The following KLF1 variants were observed in gnomAD, a reference collection of about 807,000 sequenced individuals.
KLF1 encodes Krueppel-like factor 1.
In KLF1, 29 loss-of-function variants were observed where a neutral mutation model predicts 28.0. The observed-to-expected ratio is 1.04, with a 90% CI of 0.77 to 1.41. KLF1 has a LOEUF of 1.41. Among genes scored for constraint, KLF1 ranks in the 40% most tolerant of loss-of-function variants. KLF1 has a pLI of 0.00. For missense variants in KLF1, 508 were observed against 515.1 expected, an observed-to-expected ratio of 0.99 and a Z score of 0.13; for synonymous variants, 262 against 242.6, an observed-to-expected ratio of 1.08 and a Z score of -0.74.
chr19:12,887,168 A>G lies in KLF1; in HGVS notation c.-28T>C. ...CTGGCTGGTGCCCACCCTGGGCCTC[A>G]AGCCTCCTCTTCCTCGGCTGCCTCG... On this transcript the variant is annotated 5_prime_UTR_variant, in exon 1 of 3. Coordinates refer to ENST00000264834, the MANE Select transcript of KLF1 (RefSeq NM_006563.5). This position sits in a 1 kb window ranked among gnomAD's most constrained non-coding sequence, Gnocchi z 4.7. The G allele has an allele frequency of 6.2e-7, 1 of 1,612,400 alleles. No homozygotes were observed. The highest frequency in any genetic ancestry group is 8.5e-7 in the Non-Finnish European group (1 of 1,178,834).
In KLF1 at chr19:12,885,541, G is replaced by A; in HGVS notation, c.689C>T (p.Ala230Val). Reference sequence around the variant, plus strand: ...ACAACTCAGGAAGGAGGGGGACGTGGCGGGACCGGGCGCGGGTCCCTGGAG... The same window carrying A: ...ACAACTCAGGAAGGAGGGGGACGTGACGGGACCGGGCGCGGGTCCCTGGAG... ...RGLQGPAPGP[A>V]TSPSFLSCLG... The change falls in exon 2 of 3, where the codon GCC becomes GTC. Residue 230 changes from alanine (A) to valine (V), a missense_variant. By Grantham distance (64) the Ala-to-Val change is moderately conservative. Coordinates refer to ENST00000264834, the MANE Select transcript of KLF1 (RefSeq NM_006563.5). The surrounding 1 kb of genome is among the most constrained non-coding windows in gnomAD (Gnocchi z 5.6). 2 of 1,574,240 alleles carry A rather than the reference G, an allele frequency of 1.3e-6. No individual in the cohort carries two copies. Among genetic ancestry groups the A allele is most frequent in the Non-Finnish European group, 8.6e-7 (1 of 1,160,790 alleles).
In KLF1 at chr19:12,884,840, G is replaced by T. The variant is rs1482224803; in HGVS notation, c.*45C>A. On this transcript the variant is annotated 3_prime_UTR_variant, in exon 3 of 3. Transcript: ENST00000264834. ...GAAGAGACCACCAAACAGGCTTCTT[G>T]TCCCATCCCCAGTCACTAGGAGAGT... The T allele has an allele frequency of 1.2e-6, 2 of 1,604,996 alleles. No homozygotes were observed. Among genetic ancestry groups the T allele is most frequent in the African/African-American group, 2.7e-5 (2 of 74,790 alleles).
rs1432976016 is a variant in KLF1 at position 12,887,105 on chromosome 19, G to A, written c.36C>T (p.Ser12=). The part of the protein sequence containing the change: ...ATAETALPSI[S]TLTALGPFPD... ...GGAAGGGGCCCAGGGCGGTCAGTGT[G>A]CTGATGGAGGGCAAGGCGGTCTCGG... Residue 12 remains serine (S), a synonymous_variant, in exon 1 of 3, where the codon AGC becomes AGT. Coordinates refer to ENST00000264834, the MANE Select transcript of KLF1 (RefSeq NM_006563.5). This position sits in a 1 kb window ranked among gnomAD's most constrained non-coding sequence, Gnocchi z 4.7. The A allele has an allele frequency of 1.2e-6, 2 of 1,614,130 alleles. No homozygotes were observed. The highest frequency in any genetic ancestry group is 1.7e-5 in the Admixed American group (1 of 60,034).
chr19:12,884,775 G>C lies in KLF1; in HGVS notation c.*110C>G. The stretch of plus-strand genomic sequence containing the variant: ...CGCGAGTCCAGGAGAGGGTCCATTC[G>C]TGGGAAAACCACCCAGCATTGTGTC... On this transcript the variant is annotated 3_prime_UTR_variant, in exon 3 of 3. Coordinates refer to ENST00000264834, the MANE Select transcript of KLF1 (RefSeq NM_006563.5). 8.1e-7 allele frequency: 1 copy of C among 1,230,356 alleles called. No individual in the cohort carries two copies. The highest frequency in any genetic ancestry group is 1.2e-5 in the South Asian group (1 of 81,492). The allele number at this position is 1,230,356 out of a possible 1,614,324, so 76.2% of individuals were successfully genotyped here. A position where few individuals can be genotyped will look rare whatever the true frequency, so the allele number is the denominator to read the frequency against.
Position 12,885,402 on chromosome 19 carries a change from C to G in KLF1, c.828G>C (p.Gln276His). ...CCGGGTGCGCGCACGTGTGCGCTGCCTGCCTCTTGCGCGCCCACGAACGTC... is the reference window on the plus strand; with the variant it reads ...CCGGGTGCGCGCACGTGTGCGCTGCGTGCCTCTTGCGCGCCCACGAACGTC... ...RGRRSWARKR[Q>H]AAHTCAHPGC... is the part of the protein sequence containing the mutation. The change falls in exon 2 of 3, where the codon CAG becomes CAC. Residue 276 changes from glutamine to histidine, a missense_variant. Physicochemically the swap from Gln to His is conservative, Grantham distance 24. Coordinates refer to ENST00000264834, the MANE Select transcript of KLF1 (RefSeq NM_006563.5). The surrounding 1 kb of genome is among the most constrained non-coding windows in gnomAD (Gnocchi z 5.6). The G allele has an allele frequency of 6.2e-7, 1 of 1,606,336 alleles. No individual in the cohort carries two copies. The highest frequency in any genetic ancestry group is 8.5e-7 in the Non-Finnish European group (1 of 1,176,940).
rs1403428844 is a variant in KLF1 at position 12,884,834 on chromosome 19, C to T, written c.*51G>A. 2 of 1,600,480 alleles carry T rather than the reference C, an allele frequency of 1.2e-6. No homozygotes were observed. Among genetic ancestry groups the T allele is most frequent in the Admixed American group, 1.7e-5 (1 of 60,014 alleles). ...CCGTGTGAAGAGACCACCAAACAGGCTTCTTGTCCCATCCCCAGTCACTAG... is the reference window on the plus strand; with the variant it reads ...CCGTGTGAAGAGACCACCAAACAGGTTTCTTGTCCCATCCCCAGTCACTAG... On this transcript the variant is annotated 3_prime_UTR_variant, in exon 3 of 3. Coordinates refer to ENST00000264834, the MANE Select transcript of KLF1 (RefSeq NM_006563.5).
At position 12,885,890 on chromosome 19, in the gene KLF1, C is replaced by CAG. The variant is rs1970439593; in HGVS notation, c.339_340insCT (p.Gly114LeufsTer124). 3 of 1,552,024 alleles carry CAG rather than the reference C, an allele frequency of 1.9e-6. No individual in the cohort carries two copies. In the African/African-American group the frequency reaches 4.1e-5, roughly 21 times the overall value. Reference sequence around the variant, plus strand: ...AGCCCCGGGCCGCCAGCATATGCGCCCAGAGTCTCGGGCGGCGGCGGATAT... The same window carrying CAG: ...AGCCCCGGGCCGCCAGCATATGCGCCAGCAGAGTCTCGGGCGGCGGCGGATAT... On this transcript the variant is annotated frameshift_variant, in exon 2 of 3. Transcript: ENST00000264834. LOFTEE classifies it high-confidence loss of function. The surrounding 1 kb of genome is among the most constrained non-coding windows in gnomAD (Gnocchi z 5.6).
At position 12,885,029 on chromosome 19, in the gene KLF1, G is replaced by C; in HGVS notation, c.945C>G (p.Gly315=). The part of the protein sequence containing the change: ...GEKPYACTWE[G]CGWRFARSDE... ...CCGAGCGCGCGAATCTCCAGCCGCA[G>C]CCTTCCCACGTGCAGGCGTATGGCT... is the stretch of plus-strand genomic sequence containing the variant. The change falls in exon 3 of 3, where the codon GGC becomes GGG. Residue 315 remains glycine (G), a synonymous_variant. Transcript: ENST00000264834. The surrounding 1 kb of genome is among the most constrained non-coding windows in gnomAD (Gnocchi z 5.6). 6.2e-7 allele frequency: 1 copy of C among 1,608,256 alleles called. No homozygotes were observed. Among genetic ancestry groups the C allele is most frequent in the Non-Finnish European group, 8.5e-7 (1 of 1,179,996 alleles).
At position 12,885,184 on chromosome 19, in the gene KLF1, G is replaced by A. The variant is rs1970422644; in HGVS notation, c.914-124C>T. On this transcript the variant is annotated intron_variant, in intron 2 of 2. Coordinates refer to ENST00000264834, the MANE Select transcript of KLF1 (RefSeq NM_006563.5). This position sits in a 1 kb window ranked among gnomAD's most constrained non-coding sequence, Gnocchi z 5.6. ...TAGGATGAACAAAGTGAGGCCCCTA[G>A]GGCACAAAATTTAAGGAGGCACTCA... 1.4e-6 allele frequency: 2 copies of A among 1,383,694 alleles called. No individual in the cohort carries two copies. The highest frequency in any genetic ancestry group is 1.2e-5 in the South Asian group (1 of 81,016). The allele number at this position is 1,383,694 out of a possible 1,614,324, so 85.7% of individuals were successfully genotyped here. A position where few individuals can be genotyped will look rare whatever the true frequency, so the allele number is the denominator to read the frequency against.
In KLF1 at chr19:12,885,552, C is replaced by T. The variant is rs760708625; in HGVS notation, c.678G>A (p.Ala226=). The part of the protein sequence containing the change: ...FQLFRGLQGP[A]PGPATSPSFL... Reference sequence around the variant, plus strand: ...AGGAGGGGGACGTGGCGGGACCGGGCGCGGGTCCCTGGAGCCCGCGGAAGA... The same window carrying T: ...AGGAGGGGGACGTGGCGGGACCGGGTGCGGGTCCCTGGAGCCCGCGGAAGA... The change falls in exon 2 of 3, where the codon GCG becomes GCA. Residue 226 remains alanine (A), a synonymous_variant. Transcript: ENST00000264834. This position sits in a 1 kb window ranked among gnomAD's most constrained non-coding sequence, Gnocchi z 5.6. 2.5e-5 allele frequency: 40 copies of T among 1,570,558 alleles called. No homozygotes were observed. The South Asian group carries it at 3.8e-4, about 15-fold the overall frequency.
rs200956091 is a variant in KLF1 at position 12,886,005 on chromosome 19, C to T, written c.225G>A (p.Leu75=). Reference sequence around the variant, plus strand: ...CCGAGAAGTTGGTGAGGAGGAGATCCAGGTCCCAGGTGGCGTCCGCGCCCC... The same window carrying T: ...CCGAGAAGTTGGTGAGGAGGAGATCTAGGTCCCAGGTGGCGTCCGCGCCCC... The part of the protein sequence containing the change: ...DERGADATWD[L]DLLLTNFSGP... The change falls in exon 2 of 3, where the codon CTG becomes CTA. Residue 75 remains leucine (L), a synonymous_variant. Transcript: ENST00000264834. 3.1e-6 allele frequency: 5 copies of T among 1,597,600 alleles called. No homozygotes were observed. Among genetic ancestry groups the T allele is most frequent in the Admixed American group, 3.4e-5 (2 of 57,974 alleles).
In KLF1 at chr19:12,885,283, G is replaced by C. The variant is rs761273772; in HGVS notation, c.913+34C>G. 1.6e-5 allele frequency: 24 copies of C among 1,532,386 alleles called. No homozygotes were observed. In the Admixed American group the frequency reaches 3.9e-4, roughly 25 times the overall value. 94.9% of individuals were successfully genotyped at this position (1,532,386 alleles called of 1,614,324 possible). The stretch of plus-strand genomic sequence containing the variant: ...CCCCTGTAACTACAGCGGGCGCCGC[G>C]CCCTTTCTCATGTCCGGGGCCCCGC... On this transcript the variant is annotated intron_variant, in intron 2 of 2. Transcript: ENST00000264834. The surrounding 1 kb of genome is among the most constrained non-coding windows in gnomAD (Gnocchi z 5.6).
rs1555747736 is a variant in KLF1, at chr19:12,887,133, G to A, written c.8C>T (p.Thr3Ile). Residue 3 changes from threonine to isoleucine, a missense_variant, in exon 1 of 3, where the codon ACA becomes ATA. Thr to Ile is a moderately conservative substitution (Grantham distance 89). Transcript: ENST00000264834. This position sits in a 1 kb window ranked among gnomAD's most constrained non-coding sequence, Gnocchi z 4.7. The part of the protein sequence containing the change: MA[T>I]AETALPSIST... ...GATGGAGGGCAAGGCGGTCTCGGCT[G>A]TGGCCATGGCTGGCTGGTGCCCACC... The A allele has an allele frequency of 4.3e-6, 7 of 1,614,004 alleles. No individual in the cohort carries two copies. The highest frequency in any genetic ancestry group is 2.2e-5 in the South Asian group (2 of 91,078).
chr19:12,885,506 C>A lies in KLF1; in HGVS notation c.724G>T (p.Gly242Trp). ...SPSFLSCLGP[G>W]TVGTGLGGTA... Reference sequence around the variant, plus strand: ...CCCCCGAGTCCAGTGCCCACCGTCCCGGGTCCCAAACAACTCAGGAAGGAG... The same window carrying A: ...CCCCCGAGTCCAGTGCCCACCGTCCAGGGTCCCAAACAACTCAGGAAGGAG... Residue 242 changes from glycine to tryptophan, a missense_variant, in exon 2 of 3, where the codon GGG (glycine) becomes TGG (tryptophan). Gly to Trp is a radical substitution (Grantham distance 184). Transcript: ENST00000264834. The surrounding 1 kb of genome is among the most constrained non-coding windows in gnomAD (Gnocchi z 5.6). 6.3e-7 allele frequency: 1 copy of A among 1,596,330 alleles called. No individual in the cohort carries two copies. The highest frequency in any genetic ancestry group is 2.3e-5 in the East Asian group (1 of 43,866).
At chr19:12,886,173 G>C in intron 1 of KLF1, 31 bp from the exon 2 acceptor site, 1 of 1,538,850 alleles carries the variant, frequency 6.5e-7, no homozygotes, top group Non-Finnish European at 8.8e-7. Flanking sequence ...CTCGAGGTTC[G>C]GTGGACACTG....
In KLF1 at chr19:12,887,200, C is replaced by CTT. The variant is rs1970460843; in HGVS notation, c.-61_-60insAA. ...CTCTTCCTCGGCTGCCTCGTGAACTCTGAGGCTGTGATAGCCCCTTCGAGG... is the reference window on the plus strand; with the variant it reads ...CTCTTCCTCGGCTGCCTCGTGAACTCTTTGAGGCTGTGATAGCCCCTTCGAGG... On this transcript the variant is annotated 5_prime_UTR_variant, in exon 1 of 3. Coordinates refer to ENST00000264834, the MANE Select transcript of KLF1 (RefSeq NM_006563.5). The surrounding 1 kb of genome is among the most constrained non-coding windows in gnomAD (Gnocchi z 4.7). 6.4e-7 allele frequency: 1 copy of CTT among 1,562,254 alleles called. No individual in the cohort carries two copies. The highest frequency in any genetic ancestry group is 1.7e-5 in the Admixed American group (1 of 59,706).
Position 12,885,954 on chromosome 19 carries a change from C to T in KLF1, c.276G>A (p.Gln92=). 5.1e-6 allele frequency: 8 copies of T among 1,572,092 alleles called. No homozygotes were observed. The highest frequency in any genetic ancestry group is 6.9e-6 in the Non-Finnish European group (8 of 1,159,292). ...CCTCGCTGGGCGCCAGAGCGCAGGT[C>T]TGGGGCGCGCCACCGGGCTCCGGGC... The part of the protein sequence containing the change: ...FSGPEPGGAP[Q]TCALAPSEAS... The change falls in exon 2 of 3, where the codon CAG becomes CAA. Residue 92 remains glutamine (Q), a synonymous_variant. Transcript: ENST00000264834. This position sits in a 1 kb window ranked among gnomAD's most constrained non-coding sequence, Gnocchi z 5.6.
rs1302509797 is a variant in KLF1 at position 12,885,133 on chromosome 19, C to G, written c.914-73G>C. The G allele has an allele frequency of 1.3e-6, 2 of 1,541,232 alleles. No homozygotes were observed. The highest frequency in any genetic ancestry group is 3.5e-5 in the Admixed American group (2 of 56,836). On this transcript the variant is annotated intron_variant, in intron 2 of 2. Transcript: ENST00000264834. This position sits in a 1 kb window ranked among gnomAD's most constrained non-coding sequence, Gnocchi z 5.6. ...CCCGGGTCCCCTGCATCTGGCCACA[C>G]CCCTTTACTCAGCCTGGGCTGGGAC...
intron 1 of KLF1, 24 bp from the exon 2 acceptor site, chr19:12,886,166 G>C (rs775195840): frequency 2.3e-5 from 36 of 1,571,076 alleles, no homozygotes; most frequent in Non-Finnish European, 3.0e-5. Context: ...CAGGCAGCTC[G>C]AGGTTCGGTG....
Sources: gnomAD v4.1 joint callset for allele counts on GRCh38, gnomAD v4.1.1 for gene constraint, Gnocchi (gnomAD v3.1) non-coding constraint, MANE v1.5 for transcripts, NCBI Gene and HGNC (gene_info 2026-07-23, HGNC 2026-07-21) for gene names.